Variants in DEPTOR observed in about 807,000 individuals in gnomAD.
The protein encoded by DEPTOR is DEP domain containing MTOR interacting protein.
DEPTOR carries 41 observed loss-of-function variants against 41.6 expected under a neutral mutation model. The observed-to-expected ratio is 0.98, with a 90% CI of 0.77 to 1.28. The LOEUF (loss-of-function observed/expected upper bound fraction) is 1.28, where lower values mean the gene tolerates loss of function less well. Among genes scored for constraint, DEPTOR ranks in the 50% most tolerant of loss-of-function variants. The pLI is 0.00. For synonymous variants in DEPTOR, 195 were observed against 192.3 expected, an observed-to-expected ratio of 1.01 and a Z score of -0.12; for missense variants, 514 against 527.9, an observed-to-expected ratio of 0.97 and a Z score of 0.26.
At chr8:119,900,120 A>C (rs1211822643) in intron 1 of DEPTOR, among the ~76,000 whole-genome samples, 2 of 151,920 alleles carry the variant, frequency 1.3e-5, no homozygotes, top group Admixed American at 6.6e-5. Flanking sequence ...GAAGTTCAAG[A>C]CCAGCCTGGC....
intron 1 of DEPTOR, among the ~76,000 whole-genome samples, chr8:119,905,891 C>T (rs141893284): frequency 1.3e-5 from 2 of 152,246 alleles, no homozygotes; most frequent in East Asian, 3.9e-4. Flanking sequence ...GATCCACCTG[C>T]CTGGGTCTCC....
In DEPTOR at chr8:119,903,243, T is replaced by A. The variant is rs1019905707; in HGVS notation, c.123-25157T>A. 4.6e-5 allele frequency among the ~76,000 whole-genome samples: 7 copies of A among 151,974 alleles called. No individual in the cohort carries two copies. In the East Asian group the frequency reaches 1.4e-3, roughly 29 times the overall value. On this transcript the variant is annotated intron_variant, in intron 1 of 8. Transcript: ENST00000286234. Reference sequence around the variant, plus strand: ...CCTCCCAAGTAGCTGGGATTATAGGTCCCTGCCACCATGCCCAGCTAATTT... The same window carrying A: ...CCTCCCAAGTAGCTGGGATTATAGGACCCTGCCACCATGCCCAGCTAATTT...
chr8:119,893,985 G>C (rs976790208), intron 1 of DEPTOR, among the ~76,000 whole-genome samples: 3 of 152,158 alleles, frequency 2.0e-5, no homozygotes, highest in Non-Finnish European at 4.4e-5. Flanking sequence ...TCATACTAAC[G>C]GGATCTATAT....
chr8:120,016,014 C>G (rs1480889853), intron 8 of DEPTOR, among the ~76,000 whole-genome samples: 1 of 152,150 alleles, frequency 6.6e-6, no homozygotes, highest in Non-Finnish European at 1.5e-5. Flanking sequence ...TTCTAATGGC[C>G]TCCATTTGCA....
intron 3 of DEPTOR, among the ~76,000 whole-genome samples, chr8:119,939,299 C>T (rs1268092497): frequency 3.9e-5 from 6 of 152,170 alleles, no homozygotes; most frequent in Admixed American, 2.0e-4. Context: ...GGGGAAGGGC[C>T]GTCTCAGGAG....
chr8:120,034,083 G>A (rs1812935802), intron 8 of DEPTOR, among the ~76,000 whole-genome samples: 1 of 152,090 alleles, frequency 6.6e-6, no homozygotes, highest in Non-Finnish European at 1.5e-5. Context: ...GCAGAAACCA[G>A]CTACTTGGCT....
chr8:120,022,869 A>G (rs1260274681), intron 8 of DEPTOR, among the ~76,000 whole-genome samples: 4 of 151,994 alleles, frequency 2.6e-5, no homozygotes, highest in African/African-American at 4.8e-5. Context: ...CAGGGACTAC[A>G]CTCAACTGAC....
chr8:119,996,951 A>G (rs1279324570), intron 4 of DEPTOR, among the ~76,000 whole-genome samples: 2 of 152,220 alleles, frequency 1.3e-5, no homozygotes, highest in East Asian at 1.9e-4. Context: ...TACTGAGTAT[A>G]GCGATGTAGT....
chr8:120,023,800 G>GTTTTTTTTTTTTTT (rs11447693), intron 8 of DEPTOR, among the ~76,000 whole-genome samples: 1 of 144,752 alleles, frequency 6.9e-6, no homozygotes, highest in Non-Finnish European at 1.5e-5. Context: ...CACCTATTTT[G>GTTTTTTTTTTTTTT]TTTTTTTTTT....
intron 1 of DEPTOR, among the ~76,000 whole-genome samples, chr8:119,897,556 T>G (rs1827536941): frequency 6.6e-6 from 1 of 152,074 alleles, no homozygotes; most frequent in South Asian, 2.1e-4. Context: ...AAAAAATTAT[T>G]TGGTATATTG....
At chr8:119,962,165 G>A (rs1828501308) in intron 3 of DEPTOR, among the ~76,000 whole-genome samples, 1 of 151,988 alleles carries the variant, frequency 6.6e-6, no homozygotes, top group African/African-American at 2.4e-5. Context: ...GCTGAGGCAG[G>A]AGAATCACCT....
intron 8 of DEPTOR, among the ~76,000 whole-genome samples, chr8:120,034,418 T>A (rs1207038317): frequency 6.7e-6 from 1 of 148,184 alleles, no homozygotes. Flanking sequence ...AATCAGTAAC[T>A]TTTTTTTTCT....
At chr8:119,914,234 G>C (rs199532132) in intron 1 of DEPTOR, among the ~76,000 whole-genome samples, 15,078 of 151,350 alleles carry the variant, frequency 0.1, 863 homozygotes, top group South Asian at 0.22. Context: ...TAGAGACGGG[G>C]TTTTGCCATG....
At chr8:119,879,616 C>T (rs368982897) in intron 1 of DEPTOR, among the ~76,000 whole-genome samples, 1 of 151,950 alleles carries the variant, frequency 6.6e-6, no homozygotes, top group East Asian at 1.9e-4. Flanking sequence ...GGAGGCGAGG[C>T]ACAAGAATAG....
chr8:120,021,114 T>C (rs923370625), intron 8 of DEPTOR, among the ~76,000 whole-genome samples: 11 of 65,624 alleles, frequency 1.7e-4, no homozygotes, highest in Non-Finnish European at 6.2e-5. Context: ...CATGATTAAA[T>C]GGAATATGTG....
At chr8:119,985,997 T>A (rs1828826000) in intron 4 of DEPTOR, among the ~76,000 whole-genome samples, 1 of 152,076 alleles carries the variant, frequency 6.6e-6, no homozygotes, top group Non-Finnish European at 1.5e-5. Flanking sequence ...CCAGTCTGTA[T>A]CTTTTAATTG....
intron 4 of DEPTOR, among the ~76,000 whole-genome samples, chr8:119,991,263 C>T (rs1400561042): frequency 6.6e-6 from 1 of 151,890 alleles, no homozygotes; most frequent in African/African-American, 2.4e-5. Flanking sequence ...CTTTTCTTCT[C>T]CTCTCCTCCT....
chr8:119,976,373 C>T (rs375958892), intron 4 of DEPTOR, among the ~76,000 whole-genome samples: 32 of 152,020 alleles, frequency 2.1e-4, no homozygotes, highest in African/African-American at 7.0e-4. Flanking sequence ...TATGTCGTAT[C>T]AGCAAAAAAT....
chr8:119,874,104 T>TTCC (rs1827200990), intron 1 of DEPTOR, 136 bp downstream of exon 1: 3 of 1,402,216 alleles, frequency 2.1e-6, no homozygotes, highest in Middle Eastern at 4.4e-4. Context: ...GGCGCGTGGA[T>TTCC]GGTCCTCGGT....
Sources: gnomAD v4.1 joint callset for allele counts (sites outside exome capture counted in the v4.1 genomes callset) on GRCh38, gnomAD v4.1.1 for gene constraint, MANE v1.5 for transcripts, NCBI Gene and HGNC (gene_info 2026-07-23, HGNC 2026-07-21) for gene names.